B3GALT1: variants seen among roughly 807,000 people sequenced by gnomAD.
B3GALT1 encodes the protein beta-1,3-galactosyltransferase 1.
Under a neutral mutation model 23.2 loss-of-function variants are expected in B3GALT1, and 10 were observed. That is an observed-to-expected ratio of 0.43 (90% CI 0.27 to 0.73). B3GALT1 has a LOEUF of 0.73. Ranked by LOEUF, B3GALT1 falls within the 30% of genes least tolerant of loss-of-function variation. The pLI, the probability that B3GALT1 is intolerant of heterozygous loss-of-function variation, is 0.21. For synonymous variants in B3GALT1, 156 were observed against 141.5 expected, an observed-to-expected ratio of 1.10 and a Z score of -0.73; for missense variants, 299 against 405.4, an observed-to-expected ratio of 0.74 and a Z score of 2.25.
chr2:167,481,419 C>A (rs777433855), intron 1 of B3GALT1, among the ~76,000 whole-genome samples: 1 of 148,120 alleles, frequency 6.8e-6, no homozygotes, highest in South Asian at 2.2e-4. Context: ...TAATTATATA[C>A]CTCTGTAGTC....
At chr2:167,515,577 A>T (rs1700088683) in intron 2 of B3GALT1, among the ~76,000 whole-genome samples, 2 of 152,228 alleles carry the variant, frequency 1.3e-5, no homozygotes, top group South Asian at 4.1e-4. Context: ...ATGTGTTGCT[A>T]GTATTTTGTC....
intron 3 of B3GALT1, among the ~76,000 whole-genome samples, chr2:167,672,373 A>G (rs755721627): frequency 6.6e-6 from 1 of 152,184 alleles, no homozygotes; most frequent in Non-Finnish European, 1.5e-5. Context: ...GAAATTAAAT[A>G]GGAATAAGAA....
chr2:167,350,496 G>C (rs942920454), intron 1 of B3GALT1, among the ~76,000 whole-genome samples: 2 of 152,200 alleles, frequency 1.3e-5, no homozygotes, highest in Non-Finnish European at 2.9e-5. Context: ...GAAGATCCTT[G>C]TGCTCAGCGT....
chr2:167,823,719 T>C (rs1057423766), intron 4 of B3GALT1, among the ~76,000 whole-genome samples: 4 of 152,190 alleles, frequency 2.6e-5, no homozygotes, highest in African/African-American at 9.6e-5. Flanking sequence ...TCATTCCAAG[T>C]ACACAGGCCA....
At chr2:167,742,442 G>T (rs1399215121) in intron 3 of B3GALT1, among the ~76,000 whole-genome samples, 4 of 152,114 alleles carry the variant, frequency 2.6e-5, no homozygotes, top group African/African-American at 9.7e-5. Context: ...GGAAGGCATT[G>T]AAAGCTTAGG....
At chr2:167,499,595 T>G (rs1471999858) in intron 2 of B3GALT1, among the ~76,000 whole-genome samples, 1 of 152,182 alleles carries the variant, frequency 6.6e-6, no homozygotes, top group Non-Finnish European at 1.5e-5. Flanking sequence ...TTTTACAAAC[T>G]TTTTATTTCA....
At chr2:167,367,665 A>C (rs1697611113) in intron 1 of B3GALT1, among the ~76,000 whole-genome samples, 2 of 152,218 alleles carry the variant, frequency 1.3e-5, no homozygotes, top group African/African-American at 4.8e-5. Flanking sequence ...TGGGAAAGGC[A>C]ACACAGTTCT....
intron 3 of B3GALT1, among the ~76,000 whole-genome samples, chr2:167,801,698 GT>G (rs1558983530): frequency 6.6e-6 from 1 of 152,152 alleles, no homozygotes; most frequent in Non-Finnish European, 1.5e-5. Context: ...GGACATAAAT[GT>G]TTTTATCTGC....
chr2:167,395,816 T>G (rs145712028), intron 1 of B3GALT1, among the ~76,000 whole-genome samples: 2 of 152,254 alleles, frequency 1.3e-5, no homozygotes, highest in African/African-American at 4.8e-5. Flanking sequence ...AATAAAACTC[T>G]TTGTAATGGG....
intron 1 of B3GALT1, among the ~76,000 whole-genome samples, chr2:167,370,113 T>C (rs1257664849): frequency 6.6e-6 from 1 of 152,214 alleles, no homozygotes; most frequent in African/African-American, 2.4e-5. Context: ...TCAGAGTTTC[T>C]ATTGCTATAC....
At chr2:167,500,795 C>G (rs1161825906) in intron 2 of B3GALT1, among the ~76,000 whole-genome samples, 1 of 152,006 alleles carries the variant, frequency 6.6e-6, no homozygotes, top group Non-Finnish European at 1.5e-5. Context: ...TTACTTACTC[C>G]TGGGGTAAGA....
intron 1 of B3GALT1, among the ~76,000 whole-genome samples, chr2:167,369,530 T>C (rs1697646807): frequency 6.6e-6 from 1 of 152,182 alleles, no homozygotes; most frequent in African/African-American, 2.4e-5. Context: ...ATTGGAAATA[T>C]TTTACATCAA....
chr2:167,326,484 A>T (rs917730623), intron 1 of B3GALT1, among the ~76,000 whole-genome samples: 5 of 151,448 alleles, frequency 3.3e-5, no homozygotes, highest in Admixed American at 3.3e-4. Flanking sequence ...TCATTTTGAG[A>T]TCTTAAAGAT....
chr2:167,302,231 A>G (rs1208782756), intron 1 of B3GALT1, among the ~76,000 whole-genome samples: 1 of 152,218 alleles, frequency 6.6e-6, no homozygotes, highest in African/African-American at 2.4e-5. Context: ...GTTAAATGAA[A>G]TATTAACATT....
intron 4 of B3GALT1, among the ~76,000 whole-genome samples, chr2:167,832,486 C>T (rs1010828368): frequency 3.3e-5 from 5 of 152,122 alleles, no homozygotes; most frequent in African/African-American, 1.2e-4. Flanking sequence ...GCAGCAAAAT[C>T]CAAAGTTATG....
At chr2:167,409,315 A>G (rs1477940851) in intron 1 of B3GALT1, among the ~76,000 whole-genome samples, 1 of 152,094 alleles carries the variant, frequency 6.6e-6, no homozygotes, top group East Asian at 1.9e-4. Context: ...AGGTTGGGGA[A>G]GTTCTCCTGG....
chr2:167,386,275 C>T (rs1429106002), intron 1 of B3GALT1, among the ~76,000 whole-genome samples: 2 of 151,916 alleles, frequency 1.3e-5, no homozygotes, highest in African/African-American at 4.8e-5. Flanking sequence ...GCACTGCTCA[C>T]TCTTTATAAA....
chr2:167,603,621 ATAAC>A (rs1684911227), intron 2 of B3GALT1, among the ~76,000 whole-genome samples: 1 of 152,228 alleles, frequency 6.6e-6, no homozygotes. Context: ...ACCCAGCATA[ATAAC>A]TAATTGTTAG....
intron 2 of B3GALT1, among the ~76,000 whole-genome samples, chr2:167,492,644 T>C (rs548486501): frequency 1.3e-5 from 2 of 152,330 alleles, no homozygotes; most frequent in South Asian, 2.1e-4. Flanking sequence ...CATTTGGTTT[T>C]GTCAATGCTT....
Sources: allele counts gnomAD v4.1 joint callset (sites outside exome capture counted in the v4.1 genomes callset), GRCh38; gene constraint gnomAD v4.1.1; transcripts MANE v1.5; gene names NCBI Gene and HGNC (gene_info 2026-07-23, HGNC 2026-07-21).